The following SCO2 variants were observed in gnomAD, a reference collection of about 807,000 sequenced individuals.
The protein encoded by SCO2 is cytochrome c oxidase assembly factor SCO2.
For synonymous variants in SCO2, 195 were observed against 148.6 expected (o/e 1.31, Z -2.27); for missense variants, 429 against 348.7 (o/e 1.23, Z -1.83).
At chr22:50,524,888 G>A (rs1289540345) in intron 1 of SCO2, 1 of 337,088 alleles carries the variant, frequency 3.0e-6, no homozygotes, top group African/African-American at 2.2e-5. Context: ...CACACTCCCA[G>A]CAGAAAACCT....
chr22:50,524,571 C>G (rs1384630235), intron 1 of SCO2, 147 bp from the exon 2 acceptor site: 2 of 756,388 alleles, frequency 2.6e-6, no homozygotes, highest in Admixed American at 4.0e-5. Flanking sequence ...CACCTGAGCT[C>G]AGAACTCCAC....
In SCO2 at chr22:50,523,935, T is replaced by C. The variant is rs2069204081; in HGVS notation, c.477A>G (p.Pro159=). ...CCACAGTGATGAAGACAGGCTGCAC[T>C]GGAGGCAAACCAGGCTCTGCTTCCA... The part of the protein sequence containing the change: ...RQLEAEPGLP[P]VQPVFITVDP... Residue 159 remains proline, a synonymous_variant, in exon 2 of 2, where the codon CCA becomes CCG. Coordinates refer to ENST00000395693, the MANE Select transcript of SCO2 (RefSeq NM_005138.3). 1.9e-6 allele frequency: 3 copies of C among 1,612,804 alleles called. No individual in the cohort carries two copies. The highest frequency in any genetic ancestry group is 2.5e-6 in the Non-Finnish European group (3 of 1,179,220).
At chr22:50,525,745 GAC>G, upstream of SCO2, 1 of 1,607,752 alleles carries the variant, frequency 6.2e-7, no homozygotes, top group South Asian at 1.1e-5. Context: ...CCCAAGCACT[GAC>G]AAGGTTTCGC....
At chr22:50,524,452 C>T (rs1431897326) in intron 1 of SCO2, 28 bp from the exon 2 acceptor site, 3 of 1,601,624 alleles carry the variant, frequency 1.9e-6, no homozygotes, top group Middle Eastern at 1.7e-4. Context: ...CGTCAGGAGC[C>T]AGAAGGGAAG....
rs1034104097 is a variant in SCO2, at chr22:50,524,530, C to T, written c.-13-106G>A. 1.9e-5 allele frequency: 19 copies of T among 1,019,456 alleles called. No homozygotes were observed. In the East Asian group the frequency reaches 4.9e-4, roughly 26 times the overall value. The allele number at this position is 1,019,456 out of a possible 1,614,324, so 63.2% of individuals were successfully genotyped here. A position where few individuals can be genotyped will look rare whatever the true frequency, so the allele number is the denominator to read the frequency against. On this transcript the variant is annotated intron_variant, in intron 1 of 1. Transcript: ENST00000395693. ...CCACCCATCTGAAGGACCCAGCCCACGTTCAGGCTTAACAGGCATTTGCAG... is the reference window on the plus strand; with the variant it reads ...CCACCCATCTGAAGGACCCAGCCCATGTTCAGGCTTAACAGGCATTTGCAG...
chr22:50,525,677 G>C (rs1263257056), upstream of SCO2: 2 of 1,533,572 alleles, frequency 1.3e-6, no homozygotes, highest in African/African-American at 2.8e-5. Flanking sequence ...GCCCGCCGGG[G>C]GTCACGTGTT....
chr22:50,525,616 G>A (rs2069316331), upstream of SCO2: 7 of 1,187,946 alleles, frequency 5.9e-6, 1 homozygote, highest in Admixed American at 6.0e-5. Flanking sequence ...CTGCGCATGC[G>A]CACACGGGCG....
chr22:50,523,920 G>A lies in SCO2; in HGVS notation c.492C>T (p.Phe164=). 6.2e-7 allele frequency: 1 copy of A among 1,613,486 alleles called. No individual in the cohort carries two copies. Among genetic ancestry groups the A allele is most frequent in the Non-Finnish European group, 8.5e-7 (1 of 1,179,738 alleles). Residue 164 remains phenylalanine (F), a synonymous_variant, in exon 2 of 2, where the codon TTC becomes TTT. Coordinates refer to ENST00000395693, the MANE Select transcript of SCO2 (RefSeq NM_005138.3). ...CGTCCCGCTCGGGGTCCACAGTGATGAAGACAGGCTGCACTGGAGGCAAAC... is the reference window on the plus strand; with the variant it reads ...CGTCCCGCTCGGGGTCCACAGTGATAAAGACAGGCTGCACTGGAGGCAAAC... ...EPGLPPVQPV[F]ITVDPERDDV... is the part of the protein sequence containing the mutation.
Position 50,524,063 on chromosome 22 carries a change from C to A in SCO2, c.349G>T (p.Ala117Ser). 6.2e-7 allele frequency: 1 copy of A among 1,613,332 alleles called. No individual in the cohort carries two copies. The highest frequency in any genetic ancestry group is 1.1e-5 in the South Asian group (1 of 91,090). Residue 117 changes from alanine (A) to serine (S), a missense_variant, in exon 2 of 2, where the codon GCT becomes TCT. Ala to Ser is a moderately conservative substitution (Grantham distance 99, BLOSUM62 1). Coordinates refer to ENST00000395693, the MANE Select transcript of SCO2 (RefSeq NM_005138.3). ...LDHRGRARCKADFRGQWVLMY... is the reference protein window; with the variant it reads ...LDHRGRARCKSDFRGQWVLMY... ...AGCACCCACTGGCCCCGGAAGTCAG[C>A]CTTGCAGCGAGCCCGGCCTCTGTGA... is the stretch of plus-strand genomic sequence containing the variant.
rs942543259 is a variant in SCO2, at chr22:50,524,186, G to T, written c.226C>A (p.Leu76Met). The change falls in exon 2 of 2, where the codon CTG becomes ATG. Residue 76 changes from leucine to methionine, a missense_variant. Physicochemically the swap from Leu to Met is conservative, Grantham distance 15. Coordinates refer to ENST00000395693, the MANE Select transcript of SCO2 (RefSeq NM_005138.3). ...LFGAGLGGAW[L>M]ALRAEKERLQ... ...CTCTCCTTCTCAGCCCTCAGGGCCAGCCAGGCCCCACCGAGTCCAGCCCCG... is the reference window on the plus strand; with the variant it reads ...CTCTCCTTCTCAGCCCTCAGGGCCATCCAGGCCCCACCGAGTCCAGCCCCG... 1.2e-6 allele frequency: 2 copies of T among 1,609,252 alleles called. No individual in the cohort carries two copies. Among genetic ancestry groups the T allele is most frequent in the Admixed American group, 1.7e-5 (1 of 60,020 alleles).
chr22:50,526,131 C>A, upstream of SCO2: 1 of 1,488,364 alleles, frequency 6.7e-7, no homozygotes, highest in South Asian at 1.3e-5. Flanking sequence ...CCCGGACCAG[C>A]TCCACGGTGC....
chr22:50,526,019 C>A, upstream of SCO2: 1 of 1,471,674 alleles, frequency 6.8e-7, no homozygotes. Flanking sequence ...AGCCTCTGAC[C>A]CACGTCGACC....
upstream of SCO2, chr22:50,526,124 G>C: frequency 2.7e-6 from 4 of 1,487,702 alleles, no homozygotes; most frequent in South Asian, 3.8e-5. Flanking sequence ...GGCAGCGCCC[G>C]GACCAGCTCC....
At chr22:50,525,734 G>T (rs774411440), upstream of SCO2, 4 of 1,601,256 alleles carry the variant, frequency 2.5e-6, no homozygotes, top group Non-Finnish European at 3.4e-6. Context: ...TTCCGCTCCC[G>T]CCCAAGCACT....
At chr22:50,525,268 C>T (rs8136381) in intron 1 of SCO2, among the ~76,000 whole-genome samples, 7,979 of 152,326 alleles carry the variant, frequency 0.052, 684 homozygotes, top group African/African-American at 0.18. Flanking sequence ...AAGCGCCGCG[C>T]GAGCGCGTTA....
rs748180870 is a variant in SCO2 at position 50,523,625 on chromosome 22, T to C, written c.787A>G (p.Ser263Gly). ...ACTGCAGTGGCTCAAGACAGGACACTGCGGAAAGCCGCCATGTGCCGCCGC... is the reference window on the plus strand; with the variant it reads ...ACTGCAGTGGCTCAAGACAGGACACCGCGGAAAGCCGCCATGTGCCGCCGC... The part of the protein sequence containing the change: ...SVRRHMAAFR[S>G]VLS Residue 263 changes from serine (S) to glycine (G), a missense_variant, in exon 2 of 2, where the codon AGT becomes GGT. Physicochemically the swap from Ser to Gly is moderately conservative, Grantham distance 56. Transcript: ENST00000395693. 1.5e-5 allele frequency: 24 copies of C among 1,613,508 alleles called. No homozygotes were observed. The highest frequency in any genetic ancestry group is 1.9e-5 in the Non-Finnish European group (23 of 1,180,018).
chr22:50,525,599 C>T (rs2069315237), upstream of SCO2: 1 of 1,020,448 alleles, frequency 9.8e-7, no homozygotes. Context: ...CGCAGGCGTC[C>T]CCGGAGCTGC....
chr22:50,524,578 CCA>C, intron 1 of SCO2, 154 bp from the exon 2 acceptor site: 1 of 742,992 alleles, frequency 1.3e-6, no homozygotes, highest in African/African-American at 1.7e-5. Context: ...GCTCAGAACT[CCA>C]CCTCCACCAA....
At chr22:50,525,256 C>A (rs1468022199) in intron 1 of SCO2, among the ~76,000 whole-genome samples, 1 of 152,246 alleles carries the variant, frequency 6.6e-6, no homozygotes, top group East Asian at 1.9e-4. Context: ...CAGGACCACT[C>A]GAAGCGCCGC....
Sources: allele counts gnomAD v4.1 joint callset (sites outside exome capture counted in the v4.1 genomes callset), GRCh38; gene constraint gnomAD v4.1.1; transcripts MANE v1.5; gene names NCBI Gene and HGNC (gene_info 2026-07-23, HGNC 2026-07-21).